Variants in GRIA1 observed in about 807,000 individuals in gnomAD.
GRIA1 encodes the protein glutamate receptor 1.
Under a neutral mutation model 99.2 loss-of-function variants are expected in GRIA1, and 31 were observed. That is an observed-to-expected ratio of 0.31 (90% confidence interval 0.23 to 0.42). GRIA1 has a LOEUF of 0.42. Among genes scored for constraint, GRIA1 ranks in the 10% least tolerant of loss-of-function variants. The pLI is 1.00. For synonymous variants in GRIA1, 438 were observed against 432.4 expected (o/e 1.01, Z -0.16); for missense variants, 782 against 1,157.5 (o/e 0.68, Z 4.71).
intron 2 of GRIA1, among the ~76,000 whole-genome samples, chr5:153,578,561 A>G (rs1762774554): frequency 6.6e-6 from 1 of 152,188 alleles, no homozygotes; most frequent in African/African-American, 2.4e-5. Context: ...AGTGCATGAG[A>G]AGCCACTGGA....
intron 2 of GRIA1, among the ~76,000 whole-genome samples, chr5:153,617,503 T>A (rs912515502): frequency 8.5e-5 from 13 of 152,354 alleles, no homozygotes; most frequent in Middle Eastern, 3.4e-3. Flanking sequence ...TTTCTACCTA[T>A]GTAGTCCTTT....
At chr5:153,540,224 A>T (rs1468043546) in intron 2 of GRIA1, among the ~76,000 whole-genome samples, 1 of 152,230 alleles carries the variant, frequency 6.6e-6, no homozygotes, top group East Asian at 1.9e-4. Flanking sequence ...GCATCTGCAG[A>T]AAGGCTTAGC....
At chr5:153,673,424 T>G (rs1012204600) in intron 5 of GRIA1, among the ~76,000 whole-genome samples, 1 of 152,258 alleles carries the variant, frequency 6.6e-6, no homozygotes, top group African/African-American at 2.4e-5. Context: ...ATTTATTGTC[T>G]GTCTTCCCCA....
intron 2 of GRIA1, among the ~76,000 whole-genome samples, chr5:153,605,023 C>A (rs911557875): frequency 6.6e-6 from 1 of 152,016 alleles, no homozygotes; most frequent in Non-Finnish European, 1.5e-5. Context: ...CCCGTCTCTA[C>A]TAAATATACA....
At chr5:153,581,048 C>A (rs780588297) in intron 2 of GRIA1, among the ~76,000 whole-genome samples, 26 of 152,190 alleles carry the variant, frequency 1.7e-4, no homozygotes, top group Non-Finnish European at 3.4e-4. Context: ...GGAAACCCAG[C>A]GGCTTACGTA....
At position 153,626,444 on chromosome 5, in the gene GRIA1, C is replaced by CTGTGTGTGTG. The variant is rs3036985; in HGVS notation, c.221-20450_221-20441dup. 4.8e-4 allele frequency among the ~76,000 whole-genome samples: 69 copies of CTGTGTGTGTG among 142,428 alleles called. 1 individual carries two copies. The highest frequency in any genetic ancestry group is 7.9e-4 in the Non-Finnish European group (52 of 65,434). The allele number at this position is 142,428 out of a possible 152,430, so 93.4% of individuals were successfully genotyped here. On this transcript the variant is annotated intron_variant, in intron 2 of 15. Transcript: ENST00000285900. ...AAATCTAGTCTCTGTGTGTGTGTGT[C>CTGTGTGTGTG]TGTGTGTGTGTGTGTGTGTGTGTGT...
chr5:153,689,168 A>G (rs1030483015), intron 8 of GRIA1, among the ~76,000 whole-genome samples: 1 of 152,134 alleles, frequency 6.6e-6, no homozygotes, highest in Non-Finnish European at 1.5e-5. Flanking sequence ...TGCTGGGATT[A>G]CAAGCATGAG....
intron 2 of GRIA1, among the ~76,000 whole-genome samples, chr5:153,589,319 G>A (rs1041359857): frequency 2.6e-5 from 4 of 152,104 alleles, no homozygotes; most frequent in South Asian, 2.1e-4. Flanking sequence ...GAAGTGCCCC[G>A]AGCAGTTGGT....
chr5:153,616,557 C>A (rs1766524558), intron 2 of GRIA1, among the ~76,000 whole-genome samples: 1 of 152,196 alleles, frequency 6.6e-6, no homozygotes, highest in South Asian at 2.1e-4. Flanking sequence ...CCATCCTGGG[C>A]TGCATGTGGC....
At chr5:153,643,183 G>T (rs1753896677) in intron 2 of GRIA1, among the ~76,000 whole-genome samples, 1 of 152,192 alleles carries the variant, frequency 6.6e-6, no homozygotes, top group African/African-American at 2.4e-5. Flanking sequence ...CTAAAATATT[G>T]TCGAATCAGT....
chr5:153,646,673 A>G (rs1353839508), intron 2 of GRIA1, among the ~76,000 whole-genome samples: 1 of 152,174 alleles, frequency 6.6e-6, no homozygotes, highest in Non-Finnish European at 1.5e-5. Flanking sequence ...TTGGATTTAC[A>G]CAGATGAATG....
At chr5:153,727,920 G>A (rs9687441) in intron 11 of GRIA1, among the ~76,000 whole-genome samples, 73,452 of 146,192 alleles carry the variant, frequency 0.5, 18,570 homozygotes, top group East Asian at 0.93. Flanking sequence ...AGCCCGCATC[G>A]CCAAGTCAAT....
At chr5:153,499,933 T>G (rs1554090048) in intron 2 of GRIA1, among the ~76,000 whole-genome samples, 1 of 152,150 alleles carries the variant, frequency 6.6e-6, no homozygotes. Flanking sequence ...TGGTGGAGAT[T>G]TGGGAGTTTG....
intron 1 of GRIA1, chr5:153,492,339 C>T (rs531117708): frequency 2.7e-5 from 41 of 1,511,140 alleles, no homozygotes; most frequent in East Asian, 2.5e-5. Context: ...GTGCCTAACA[C>T]GCAAAACTTC....
intron 13 of GRIA1, among the ~76,000 whole-genome samples, chr5:153,792,910 C>A (rs1438081351): frequency 6.6e-6 from 1 of 152,134 alleles, no homozygotes; most frequent in Non-Finnish European, 1.5e-5. Context: ...CATTTAAAAT[C>A]CCAATGTGGG....
chr5:153,616,788 G>C (rs1766548446), intron 2 of GRIA1, among the ~76,000 whole-genome samples: 1 of 151,982 alleles, frequency 6.6e-6, no homozygotes, highest in Admixed American at 6.5e-5. Flanking sequence ...GAAAAGTTGA[G>C]TTGGAGGCCA....
In GRIA1 at chr5:153,562,210, A is replaced by T. The variant is rs528415454; in HGVS notation, c.220+68145A>T. On this transcript the variant is annotated intron_variant, in intron 2 of 15. Coordinates refer to ENST00000285900, the MANE Select transcript of GRIA1 (RefSeq NM_000827.4). ...CATTGGGGGATAACTATGAGAACCA[A>T]GTTAAGGGAAGTGTCATGAGCAGAG... Among the ~76,000 whole-genome samples the T allele has an allele frequency of 2.0e-5, 3 of 152,320 alleles. No individual in the cohort carries two copies. In the East Asian group the frequency reaches 5.8e-4, roughly 29 times the overall value.
intron 15 of GRIA1, among the ~76,000 whole-genome samples, chr5:153,809,776 C>T (rs1766686249): frequency 6.6e-6 from 1 of 152,208 alleles, no homozygotes; most frequent in African/African-American, 2.4e-5. Context: ...ACACTGGAGG[C>T]AGAACCATTA....
intron 2 of GRIA1, among the ~76,000 whole-genome samples, chr5:153,546,845 A>G (rs1463745): frequency 0.99 from 150,756 of 152,280 alleles, 74,644 homozygotes; most frequent in East Asian, 1. Context: ...ATTTTATTGT[A>G]GTTGAAGGGC....
Sources: allele counts gnomAD v4.1 joint callset (sites outside exome capture counted in the v4.1 genomes callset), GRCh38; gene constraint gnomAD v4.1.1; transcripts MANE v1.5; gene names NCBI Gene and HGNC (gene_info 2026-07-23, HGNC 2026-07-21).